The following MTOR variants were observed in gnomAD, a reference collection of about 807,000 sequenced individuals.
MTOR encodes the protein serine/threonine-protein kinase mTOR.
In MTOR, 70 loss-of-function variants were observed where a neutral mutation model predicts 319.8. The ratio of observed to expected loss-of-function variants is 0.22; its 90% CI spans 0.18 to 0.27. The LOEUF (loss-of-function observed/expected upper bound fraction) is 0.27. Among genes scored for constraint, MTOR ranks in the 10% least tolerant of loss-of-function variants. The pLI is 1.00. For missense variants in MTOR, 1,890 were observed against 3,274.4 expected (o/e 0.58, Z 10.32); for synonymous variants, 1,183 against 1,211.4 (o/e 0.98, Z 0.49).
chr1:11,250,134 G>A (rs993767944), intron 6 of MTOR, among the ~76,000 whole-genome samples: 2 of 144,158 alleles, frequency 1.4e-5, no homozygotes, highest in African/African-American at 2.5e-5. Flanking sequence ...GGGCAGAGGC[G>A]CCCCTCACCT....
intron 25 of MTOR, among the ~76,000 whole-genome samples, chr1:11,208,400 G>C (rs72856922): frequency 1.3e-5 from 2 of 152,378 alleles, no homozygotes; most frequent in Admixed American, 6.5e-5. Context: ...GCGTGAGCCC[G>C]TACACATGCA....
intron 24 of MTOR, 35 bp downstream of exon 24, chr1:11,210,779 C>T (rs1646284435): frequency 6.9e-7 from 1 of 1,452,164 alleles, no homozygotes. Flanking sequence ...GTAAAGACAA[C>T]AGGGACTTCA....
chr1:11,173,534 C>T (rs760886829), intron 28 of MTOR, among the ~76,000 whole-genome samples: 3 of 152,126 alleles, frequency 2.0e-5, no homozygotes, highest in Non-Finnish European at 4.4e-5. Context: ...CTGCCTGTCT[C>T]AGCCTCCCAA....
chr1:11,141,092 T>C (rs1307722009), intron 34 of MTOR, among the ~76,000 whole-genome samples: 2 of 151,874 alleles, frequency 1.3e-5, no homozygotes, highest in East Asian at 3.9e-4. Flanking sequence ...GAAGGGGAAA[T>C]GCTTCATTTA....
rs61773717 is a variant in MTOR, at chr1:11,249,683, C to T, written c.841-1589G>A. 4.7e-3 allele frequency among the ~76,000 whole-genome samples: 650 copies of T among 139,382 alleles called. 1 individual carries two copies. The highest frequency in any genetic ancestry group is 7.4e-3 in the Non-Finnish European group (473 of 64,246). The allele number at this position is 139,382 out of a possible 152,430, so 91.4% of individuals were successfully genotyped here. On this transcript the variant is annotated intron_variant, in intron 6 of 57. Coordinates refer to ENST00000361445, the MANE Select transcript of MTOR (RefSeq NM_004958.4). ...AGCACATCTTGCACCGCCCTTAATC[C>T]ATTTAACCCTGAGTGGACACAGCAC...
At chr1:11,254,939 AT>A (rs1052193478) in intron 5 of MTOR, among the ~76,000 whole-genome samples, 2 of 151,574 alleles carry the variant, frequency 1.3e-5, no homozygotes, top group African/African-American at 4.8e-5. Context: ...TAATTTTTTT[AT>A]TTTTTGTAGA....
In MTOR at chr1:11,192,702, G is replaced by A. The variant is rs544427872; in HGVS notation, c.4253+6556C>T. Among the ~76,000 whole-genome samples, 44 of 143,520 alleles carry A rather than the reference G, an allele frequency of 3.1e-4. 1 individual carries two copies. Among genetic ancestry groups the A allele is most frequent in the Non-Finnish European group, 6.0e-4 (40 of 66,282 alleles). The allele number at this position is 143,520 out of a possible 152,430, so 94.2% of individuals were successfully genotyped here. On this transcript the variant is annotated intron_variant, in intron 28 of 57. Coordinates refer to ENST00000361445, the MANE Select transcript of MTOR (RefSeq NM_004958.4). Reference sequence around the variant, plus strand: ...AGAGGTTGCAGTGAGCCGAGATCACGCCACTGCACTATAATCTGGGAGACA... The same window carrying A: ...AGAGGTTGCAGTGAGCCGAGATCACACCACTGCACTATAATCTGGGAGACA...
intron 28 of MTOR, chr1:11,195,018 C>G (rs761291951): frequency 1.2e-6 from 2 of 1,613,466 alleles, no homozygotes; most frequent in South Asian, 2.2e-5. Context: ...AGACTTCAAG[C>G]CTTAAAAGGA....
intron 54 of MTOR, among the ~76,000 whole-genome samples, chr1:11,112,447 G>C (rs1394156207): frequency 6.6e-6 from 1 of 152,214 alleles, no homozygotes; most frequent in Non-Finnish European, 1.5e-5. Context: ...TTGGTGCTCA[G>C]TAAATATTTC....
At chr1:11,214,733 T>G (rs1646414875) in intron 20 of MTOR, among the ~76,000 whole-genome samples, 1 of 152,214 alleles carries the variant, frequency 6.6e-6, no homozygotes, top group Admixed American at 6.5e-5. Flanking sequence ...GAGAGAAGTA[T>G]TCTCTCTGAA....
At chr1:11,201,463 C>CT in intron 26 of MTOR, among the ~76,000 whole-genome samples, 1 of 152,330 alleles carries the variant, frequency 6.6e-6, no homozygotes. Flanking sequence ...GGGGCCATCA[C>CT]TACTGCTAAA....
chr1:11,123,280 A>C (rs1223658428), intron 47 of MTOR, among the ~76,000 whole-genome samples: 2 of 152,070 alleles, frequency 1.3e-5, no homozygotes, highest in African/African-American at 2.4e-5. Context: ...ACTTTTTGAG[A>C]TAGGGTCTCG....
At chr1:11,126,928 ATGAG>A in intron 45 of MTOR, 78 bp downstream of exon 45, 1 of 1,583,066 alleles carries the variant, frequency 6.3e-7, no homozygotes, top group South Asian at 1.2e-5. Context: ...ATGCTTTGGA[ATGAG>A]TGTTAGAACA....
rs529930349 is a variant in MTOR, at chr1:11,122,653, G to A, written c.6663-527C>T. ...CTCCCGAGTAGCTGGGATTACAGAT[G>A]CACAACACCACACCCGGCTAATTTT... On this transcript the variant is annotated intron_variant, in intron 47 of 57. Coordinates refer to ENST00000361445, the MANE Select transcript of MTOR (RefSeq NM_004958.4). Among the ~76,000 whole-genome samples the A allele has an allele frequency of 1.1e-4, 16 of 151,966 alleles. 1 individual carries two copies. The South Asian group carries it at 3.3e-3, about 32-fold the overall frequency.
chr1:11,184,794 A>C (rs1053683292), intron 28 of MTOR, among the ~76,000 whole-genome samples: 3 of 152,240 alleles, frequency 2.0e-5, no homozygotes, highest in Non-Finnish European at 4.4e-5. Context: ...TTCCTGGTGG[A>C]ACTCAGGAAA....
At chr1:11,221,478 A>T (rs1646660571) in intron 19 of MTOR, among the ~76,000 whole-genome samples, 1 of 151,446 alleles carries the variant, frequency 6.6e-6, no homozygotes, top group African/African-American at 2.4e-5. Context: ...ACATCTATAA[A>T]ATATATATAT....
At chr1:11,221,274 T>C (rs1214349600) in intron 19 of MTOR, among the ~76,000 whole-genome samples, 1 of 152,140 alleles carries the variant, frequency 6.6e-6, no homozygotes, top group Non-Finnish European at 1.5e-5. Context: ...GGGTTACAGA[T>C]GTGAGCCACC....
chr1:11,169,966 G>A (rs745662139), intron 28 of MTOR, among the ~76,000 whole-genome samples: 1 of 152,164 alleles, frequency 6.6e-6, no homozygotes, highest in Non-Finnish European at 1.5e-5. Flanking sequence ...TCATCACTGC[G>A]AATTCCCAAT....
chr1:11,252,502 A>T (rs1649826200), intron 6 of MTOR, among the ~76,000 whole-genome samples: 1 of 152,128 alleles, frequency 6.6e-6, no homozygotes, highest in Non-Finnish European at 1.5e-5. Context: ...GAGAGCCAAC[A>T]TCATATAGAA....
Sources: allele counts gnomAD v4.1 joint callset (sites outside exome capture counted in the v4.1 genomes callset), GRCh38; gene constraint gnomAD v4.1.1; transcripts MANE v1.5; gene names NCBI Gene and HGNC (gene_info 2026-07-23, HGNC 2026-07-21).